Variants in SYCE2 observed in about 807,000 individuals in gnomAD.
The protein encoded by SYCE2 is synaptonemal complex central element protein 2.
In SYCE2, 3 loss-of-function variants were observed where a neutral mutation model predicts 27.9. That is an observed-to-expected ratio of 0.11 (90% CI 0.05 to 0.28). SYCE2 has a LOEUF of 0.28. Ranked by LOEUF, SYCE2 falls within the 10% of genes least tolerant of loss-of-function variation. The probability of loss-of-function intolerance (pLI) is 1.00; values close to 1 mark genes in which losing one functional copy is unlikely to be tolerated. For missense variants in SYCE2, 207 were observed against 263.5 expected, an observed-to-expected ratio of 0.79 and a Z score of 1.48; for synonymous variants, 85 against 100.7, an observed-to-expected ratio of 0.84 and a Z score of 0.93.
At position 12,918,479 on chromosome 19, in the gene SYCE2, G is replaced by A. The variant is rs1033933646; in HGVS notation, c.16-142C>T. On this transcript the variant is annotated intron_variant, in intron 1 of 5. Coordinates refer to ENST00000293695, the MANE Select transcript of SYCE2 (RefSeq NM_001105578.2). ...CCGCAGGAAAGACGGGCAGGGCTGG[G>A]GCAGGTGCCATGAGGGCAGGGGCAT... 5 of 728,590 alleles carry A rather than the reference G, an allele frequency of 6.9e-6. No homozygotes were observed. In the African/African-American group the frequency reaches 8.7e-5, roughly 13 times the overall value. 45.1% of individuals were successfully genotyped at this position (728,590 alleles called of 1,614,324 possible).
At chr19:12,918,475 C>T in intron 1 of SYCE2, 138 bp from the exon 2 acceptor site, 2 of 750,142 alleles carry the variant, frequency 2.7e-6, no homozygotes, top group South Asian at 1.7e-5. Context: ...ACGGGCAGGG[C>T]TGGGGCAGGT....
chr19:12,908,683 C>T (rs1207239580), intron 2 of SYCE2, among the ~76,000 whole-genome samples: 2 of 152,020 alleles, frequency 1.3e-5, no homozygotes, highest in African/African-American at 4.8e-5. Context: ...CAGGTTCCTC[C>T]CCCGGTTCTC....
intron 2 of SYCE2, among the ~76,000 whole-genome samples, chr19:12,906,468 T>C (rs1418992750): frequency 1.3e-5 from 2 of 152,212 alleles, no homozygotes; most frequent in Non-Finnish European, 2.9e-5. Context: ...TAATATGTAA[T>C]GTTCCGTAAC....
chr19:12,906,705 G>A (rs1422054619), intron 2 of SYCE2, among the ~76,000 whole-genome samples: 2 of 151,876 alleles, frequency 1.3e-5, no homozygotes, highest in Admixed American at 6.6e-5. Flanking sequence ...GCAGGAGTTC[G>A]AGACCAGCCT....
chr19:12,916,496 T>C (rs967926007), intron 2 of SYCE2, among the ~76,000 whole-genome samples: 3 of 152,238 alleles, frequency 2.0e-5, no homozygotes, highest in Admixed American at 6.6e-5. Flanking sequence ...CCTCTTCTCA[T>C]GTGACCTCTT....
At position 12,918,347 on chromosome 19, in the gene SYCE2, C is replaced by T. The variant is rs763941245; in HGVS notation, c.16-10G>A. 2.5e-6 allele frequency: 4 copies of T among 1,613,334 alleles called. No individual in the cohort carries two copies. The highest frequency in any genetic ancestry group is 2.5e-6 in the Non-Finnish European group (3 of 1,179,258). On this transcript the variant is annotated splice_polypyrimidine_tract_variant and intron_variant, in intron 1 of 5. Transcript: ENST00000293695. ...CATGGGGCACGTCCACCTGCAAGCA[C>T]AGTCAGGACGGAGGCCAAGGAGGGA...
chr19:12,904,603 T>A lies in SYCE2; in HGVS notation c.195A>T (p.Ser65=). Residue 65 remains serine (S), a synonymous_variant, in exon 3 of 6, where the codon TCA becomes TCT. Transcript: ENST00000293695. The stretch of plus-strand genomic sequence containing the variant: ...CTCTCTTCTGCAGGATGTCAATGCT[T>A]GAGTCCAGAGAGGAGAAGTAGAGTC... The part of the protein sequence containing the change: ...KSGLYFSSLD[S]SIDILQKRAQ... 4.3e-6 allele frequency: 7 copies of A among 1,614,108 alleles called. No individual in the cohort carries two copies. The highest frequency in any genetic ancestry group is 5.9e-6 in the Non-Finnish European group (7 of 1,180,020).
At position 12,900,091 on chromosome 19, in the gene SYCE2, G is replaced by A. The variant is rs781403406; in HGVS notation, c.525C>T (p.Asp175=). The A allele has an allele frequency of 4.1e-5, 66 of 1,613,092 alleles. No homozygotes were observed. Among genetic ancestry groups the A allele is most frequent in the Non-Finnish European group, 3.7e-5 (44 of 1,179,848 alleles). ...EQSLRLRWGP[D]HSRGKSPPRP... The stretch of plus-strand genomic sequence containing the variant: ...GTGGTGGGGACTTTCCCCTAGAGTG[G>A]TCTGGCCCCCATCTGAGTCTTAGGC... Residue 175 remains aspartate, a synonymous_variant, in exon 5 of 6, where the codon GAC becomes GAT. Transcript: ENST00000293695.
intron 2 of SYCE2, chr19:12,913,937 G>A (rs1971091118): frequency 6.6e-6 from 1 of 152,266 alleles, no homozygotes; most frequent in Non-Finnish European, 1.5e-5. Flanking sequence ...AAGCTGGCTT[G>A]CTTTCTGCCT....
chr19:12,904,462 TC>T (rs1277308536), intron 3 of SYCE2, 29 bp downstream of exon 3: 2 of 1,613,314 alleles, frequency 1.2e-6, no homozygotes, highest in East Asian at 2.2e-5. Flanking sequence ...GCATAAGGAA[TC>T]CCCCCTCTCG....
intron 4 of SYCE2, 160 bp downstream of exon 4, chr19:12,900,300 G>C (rs1242333738): frequency 1.3e-5 from 14 of 1,058,650 alleles, no homozygotes; most frequent in Non-Finnish European, 1.9e-5. Flanking sequence ...CCATGTTATA[G>C]GGGATCACAA....
At chr19:12,916,843 G>A (rs1971147046) in intron 2 of SYCE2, among the ~76,000 whole-genome samples, 1 of 151,774 alleles carries the variant, frequency 6.6e-6, no homozygotes, top group Admixed American at 6.6e-5. Context: ...TCAAACTCCT[G>A]GGCTCAAGGG....
chr19:12,899,462 G>A lies in SYCE2; in HGVS notation c.613-77C>T, dbSNP rs1384861178. ...TCCAAACCGACTCTGTATTAATCTT[G>A]TCCAGGTACACATGACATTCACGCC... On this transcript the variant is annotated intron_variant, in intron 5 of 5. Transcript: ENST00000293695. 1 of 1,614,154 alleles carries A rather than the reference G, an allele frequency of 6.2e-7. No homozygotes were observed. Among genetic ancestry groups the A allele is most frequent in the Admixed American group, 1.7e-5 (1 of 60,014 alleles).
rs754877145 is a variant in SYCE2 at position 12,899,367 on chromosome 19, G to T, written c.631C>A (p.Gln211Lys). 1.1e-5 allele frequency: 18 copies of T among 1,614,014 alleles called. No homozygotes were observed. Among genetic ancestry groups the T allele is most frequent in the Non-Finnish European group, 1.4e-5 (17 of 1,180,002 alleles). ...TTSQATASEV[Q>K]TNRDGEC is the part of the protein sequence containing the mutation. ...CAGCATTCACCATCTCTGTTGGTCT[G>T]TACTTCTGAAGCAGTGGCCTGGGGA... The change falls in exon 6 of 6, where the codon CAG (glutamine) becomes AAG (lysine). Residue 211 changes from glutamine to lysine, a missense_variant. Physicochemically the swap from Gln to Lys is moderately conservative, Grantham distance 53 (BLOSUM62 1). Transcript: ENST00000293695.
At chr19:12,901,828 G>C (rs1970845798) in intron 3 of SYCE2, among the ~76,000 whole-genome samples, 1 of 151,952 alleles carries the variant, frequency 6.6e-6, no homozygotes, top group Admixed American at 6.6e-5. Context: ...TGTTAGCCAG[G>C]CTGGTCTCCA....
At position 12,917,065 on chromosome 19, in the gene SYCE2, C is replaced by CT. The variant is rs774437768; in HGVS notation, c.131+1156dup. On this transcript the variant is annotated intron_variant, in intron 2 of 5. Transcript: ENST00000293695. ...GCGCCCAGCCTCTACTATATATATA[C>CT]TTTTTTTTTTTTTTTTTGAGACAGA... Among the ~76,000 whole-genome samples the CT allele has an allele frequency of 2.6e-3, 332 of 128,504 alleles. 1 individual carries two copies. Among genetic ancestry groups the CT allele is most frequent in the South Asian group, 7.3e-3 (29 of 3,996 alleles). The allele number at this position is 128,504 out of a possible 152,430, so 84.3% of individuals were successfully genotyped here.
At chr19:12,900,400 T>C in intron 4 of SYCE2, 60 bp downstream of exon 4, 2 of 1,560,806 alleles carry the variant, frequency 1.3e-6, no homozygotes, top group Non-Finnish European at 1.7e-6. Context: ...CATTTACTCT[T>C]GGCTGGGCCA....
intron 2 of SYCE2, among the ~76,000 whole-genome samples, chr19:12,912,182 C>T (rs1319027754): frequency 1.4e-5 from 2 of 146,188 alleles, no homozygotes; most frequent in East Asian, 2.0e-4. Flanking sequence ...GTGATCTGCC[C>T]GCCTTGGCCT....
chr19:12,903,964 G>A (rs1470848468), intron 3 of SYCE2, among the ~76,000 whole-genome samples: 6 of 152,164 alleles, frequency 3.9e-5, no homozygotes, highest in African/African-American at 4.8e-5. Flanking sequence ...CATCACACCA[G>A]CTTTTGCAAG....
Sources: gnomAD v4.1 joint callset for allele counts (sites outside exome capture counted in the v4.1 genomes callset) on GRCh38, gnomAD v4.1.1 for gene constraint, MANE v1.5 for transcripts, NCBI Gene and HGNC (gene_info 2026-07-23, HGNC 2026-07-21) for gene names.